The following PCDHGA8 variants were observed in gnomAD, a reference collection of about 807,000 sequenced individuals.
The protein encoded by PCDHGA8 is protocadherin gamma subfamily A, 8.
PCDHGA8 carries 45 observed loss-of-function variants against 59.2 expected under a neutral mutation model. The observed-to-expected ratio is 0.76, with a 90% confidence interval of 0.60 to 0.98. The LOEUF is 0.98. Among genes scored for constraint, PCDHGA8 ranks in the 50% least tolerant of loss-of-function variants. PCDHGA8 has a pLI of 0.00. For synonymous variants in PCDHGA8, 531 were observed against 519.0 expected, an observed-to-expected ratio of 1.02 and a Z score of -0.32; for missense variants, 1,257 against 1,196.2, an observed-to-expected ratio of 1.05 and a Z score of -0.75.
At chr5:141,508,576 C>A (rs1437398161) in intron 3 of PCDHGA8, among the ~76,000 whole-genome samples, 1 of 152,136 alleles carries the variant, frequency 6.6e-6, no homozygotes, top group African/African-American at 2.4e-5. Flanking sequence ...TGCACCCACT[C>A]GGGGTGCTAC....
At chr5:141,453,919 C>T (rs142719452) in intron 1 of PCDHGA8, among the ~76,000 whole-genome samples, 2 of 152,318 alleles carry the variant, frequency 1.3e-5, no homozygotes, top group African/African-American at 4.8e-5. Flanking sequence ...TGTCAGTGAT[C>T]AGTCACTGTG....
rs191165530 is a variant in PCDHGA8 at position 141,439,134 on chromosome 5, A to T, written c.2424+43897A>T. On this transcript the variant is annotated intron_variant, in intron 1 of 3. Coordinates refer to ENST00000398604, the MANE Select transcript of PCDHGA8 (RefSeq NM_032088.2). The stretch of plus-strand genomic sequence containing the variant: ...CTTGAACCCGGGAGACAGAGGTTGC[A>T]GTGAGCTGAGATCACGCCACTGCAC... Among the ~76,000 whole-genome samples the T allele has an allele frequency of 2.4e-3, 368 of 151,344 alleles. 1 individual carries two copies. Among genetic ancestry groups the T allele is most frequent in the African/African-American group, 8.5e-3 (349 of 41,216 alleles).
At chr5:141,399,662 C>G (rs759226157) in intron 1 of PCDHGA8, 1 of 1,613,666 alleles carries the variant, frequency 6.2e-7, no homozygotes, top group South Asian at 1.1e-5. Context: ...GTGGTGTTCG[C>G]GCAGCGCGCC....
chr5:141,465,688 G>C (rs1386213425), intron 1 of PCDHGA8, among the ~76,000 whole-genome samples: 1 of 152,086 alleles, frequency 6.6e-6, no homozygotes, highest in African/African-American at 2.4e-5. Context: ...TGACCAGTCT[G>C]CTTTTGCATT....
intron 1 of PCDHGA8, chr5:141,419,829 C>G (rs748734266): frequency 6.2e-7 from 1 of 1,614,072 alleles, no homozygotes; most frequent in Admixed American, 1.7e-5. Flanking sequence ...CTTTCAGCCA[C>G]TGCCACGCTG....
intron 1 of PCDHGA8, among the ~76,000 whole-genome samples, chr5:141,468,868 A>T (rs1006995156): frequency 9.2e-5 from 14 of 151,794 alleles, no homozygotes; most frequent in African/African-American, 2.4e-4. Flanking sequence ...TCCATCTCAA[A>T]AATAATAATA....
intron 1 of PCDHGA8, chr5:141,399,174 T>A: frequency 6.2e-7 from 1 of 1,613,818 alleles, no homozygotes; most frequent in Non-Finnish European, 8.5e-7. Flanking sequence ...ATTCTCTACT[T>A]GAAATGATTC....
rs374154790 is a variant in PCDHGA8, at chr5:141,490,709, C to A, written c.2425-4098C>A. The A allele has an allele frequency of 3.2e-5, 52 of 1,614,218 alleles. No homozygotes were observed. In the African/African-American group the frequency reaches 6.3e-4, roughly 19 times the overall value. On this transcript the variant is annotated intron_variant, in intron 1 of 3. Coordinates refer to ENST00000398604, the MANE Select transcript of PCDHGA8 (RefSeq NM_032088.2). The surrounding 1 kb of genome is among the most constrained non-coding windows in gnomAD (Gnocchi z 5.4). ...GACACTGGGGATAATGCCCGCCTCA[C>A]CTACTCCATTGTAGGAAATCAGGTT...
chr5:141,490,612 C>G lies in PCDHGA8; in HGVS notation c.2425-4195C>G, dbSNP rs1393568166. ...CAATGCACCCCGCTTCAACCAGCAG[C>G]TTTACACTGCTTACATCCTAGAAAA... On this transcript the variant is annotated intron_variant, in intron 1 of 3. Coordinates refer to ENST00000398604, the MANE Select transcript of PCDHGA8 (RefSeq NM_032088.2). This position sits in a 1 kb window ranked among gnomAD's most constrained non-coding sequence, Gnocchi z 5.4. The G allele has an allele frequency of 6.2e-7, 1 of 1,614,082 alleles. No homozygotes were observed. Among genetic ancestry groups the G allele is most frequent in the Non-Finnish European group, 8.5e-7 (1 of 1,180,032 alleles).
At chr5:141,410,762 T>C in intron 1 of PCDHGA8, 1 of 1,171,656 alleles carries the variant, frequency 8.5e-7, no homozygotes, top group Non-Finnish European at 1.2e-6. Flanking sequence ...GTTTTTTCAA[T>C]TATAGTTTTC....
rs1247556723 is a variant in PCDHGA8 at position 141,489,841 on chromosome 5, G to A, written c.2425-4966G>A. 6.2e-7 allele frequency: 1 copy of A among 1,614,224 alleles called. No individual in the cohort carries two copies. The highest frequency in any genetic ancestry group is 1.7e-5 in the Admixed American group (1 of 60,032). On this transcript the variant is annotated intron_variant, in intron 1 of 3. Coordinates refer to ENST00000398604, the MANE Select transcript of PCDHGA8 (RefSeq NM_032088.2). The surrounding 1 kb of genome is among the most constrained non-coding windows in gnomAD (Gnocchi z 4.5). Reference sequence around the variant, plus strand: ...AGAGCTGGTGCTAGAGCAGCAGCTGGATCGTGAAGCCCAGGCAAGACATCA... The same window carrying A: ...AGAGCTGGTGCTAGAGCAGCAGCTGAATCGTGAAGCCCAGGCAAGACATCA...
At chr5:141,499,061 G>A (rs1300036203) in intron 2 of PCDHGA8, among the ~76,000 whole-genome samples, 1 of 151,914 alleles carries the variant, frequency 6.6e-6, no homozygotes, top group African/African-American at 2.4e-5. Flanking sequence ...AAATGAAGAA[G>A]ACTTACATTC....
At chr5:141,497,478 C>A (rs974494984) in intron 2 of PCDHGA8, among the ~76,000 whole-genome samples, 1 of 150,954 alleles carries the variant, frequency 6.6e-6, no homozygotes, top group African/African-American at 2.4e-5. Flanking sequence ...GGAGAAGGTG[C>A]GGAACCTCTC....
chr5:141,397,359 A>T (rs372780097), intron 1 of PCDHGA8, among the ~76,000 whole-genome samples: 10 of 152,226 alleles, frequency 6.6e-5, no homozygotes, highest in African/African-American at 2.4e-4. Flanking sequence ...AGTCAGGAAG[A>T]GGAGATGTTT....
chr5:141,428,065 C>T lies in PCDHGA8; in HGVS notation c.2424+32828C>T, dbSNP rs1028782772. 6 of 1,609,086 alleles carry T rather than the reference C, an allele frequency of 3.7e-6. No individual in the cohort carries two copies. The African/African-American group carries it at 6.7e-5, about 18-fold the overall frequency. ...GTGACCAAGGTGGTGGCGGTGGACGCAGATTCGGGACACAACGCTTGGCTG... is the reference window on the plus strand; with the variant it reads ...GTGACCAAGGTGGTGGCGGTGGACGTAGATTCGGGACACAACGCTTGGCTG... On this transcript the variant is annotated intron_variant, in intron 1 of 3. Coordinates refer to ENST00000398604, the MANE Select transcript of PCDHGA8 (RefSeq NM_032088.2).
In PCDHGA8 at chr5:141,461,259, T is replaced by C. The variant is rs114101293; in HGVS notation, c.2425-33548T>C. Among the ~76,000 whole-genome samples the C allele has an allele frequency of 4.2e-3, 640 of 152,290 alleles. 5 individuals are homozygous for C. The highest frequency in any genetic ancestry group is 0.015 in the African/African-American group (623 of 41,554). On this transcript the variant is annotated intron_variant, in intron 1 of 3. Coordinates refer to ENST00000398604, the MANE Select transcript of PCDHGA8 (RefSeq NM_032088.2). ...TACTAATTTATATTCCCAGCAGCAA[T>C]GTGTAAGTGTTCTCTTTTCCCCACA...
chr5:141,478,465 C>T (rs768021356), intron 1 of PCDHGA8: 6 of 1,613,730 alleles, frequency 3.7e-6, no homozygotes, highest in Non-Finnish European at 5.1e-6. Context: ...GTCCACTGGC[C>T]AGCCGCCAGA....
chr5:141,500,144 C>T (rs2099796717), intron 2 of PCDHGA8, among the ~76,000 whole-genome samples: 1 of 151,426 alleles, frequency 6.6e-6, no homozygotes, highest in South Asian at 2.1e-4. Context: ...CTAAACTTTT[C>T]TTTGTGTAAT....
At chr5:141,469,548 C>A (rs2099204726) in intron 1 of PCDHGA8, among the ~76,000 whole-genome samples, 1 of 152,212 alleles carries the variant, frequency 6.6e-6, no homozygotes, top group East Asian at 1.9e-4. Context: ...GCACTCCAGC[C>A]TGGCGACAGA....
Sources: gnomAD v4.1 joint callset for allele counts (sites outside exome capture counted in the v4.1 genomes callset) on GRCh38, gnomAD v4.1.1 for gene constraint, Gnocchi (gnomAD v3.1) non-coding constraint, MANE v1.5 for transcripts, NCBI Gene and HGNC (gene_info 2026-07-23, HGNC 2026-07-21) for gene names.